The following MORC2 variants were observed in gnomAD, a reference collection of about 807,000 sequenced individuals.
MORC2 encodes ATPase MORC2.
In MORC2, 30 loss-of-function variants were observed where a neutral mutation model predicts 136.0. The ratio of observed to expected loss-of-function variants is 0.22; its 90% confidence interval spans 0.17 to 0.30. MORC2 has a LOEUF of 0.30. Among genes scored for constraint, MORC2 ranks in the 10% least tolerant of loss-of-function variants. MORC2 has a pLI of 1.00. For missense variants in MORC2, 922 were observed against 1,333.1 expected (o/e 0.69, Z 4.80); for synonymous variants, 439 against 487.0 (o/e 0.90, Z 1.30).
At chr22:30,940,881 G>A (rs774079071) in intron 9 of MORC2, 44 bp from the exon 10 acceptor site, 10 of 1,535,516 alleles carry the variant, frequency 6.5e-6, no homozygotes, top group Non-Finnish European at 8.1e-6. Flanking sequence ...GCAGCAGTGG[G>A]GCAGGTGGCA....
chr22:30,939,725 G>A lies in MORC2; in HGVS notation c.988-19C>T, dbSNP rs1464202228. 1 of 1,610,914 alleles carries A rather than the reference G, an allele frequency of 6.2e-7. No homozygotes were observed. The highest frequency in any genetic ancestry group is 8.5e-7 in the Non-Finnish European group (1 of 1,178,086). ...ACATCACCTGCACACATTGACATCA[G>A]GTGAGGGGAGGTGGCACTCTAGGCC... On this transcript the variant is annotated intron_variant, in intron 11 of 25. Coordinates refer to ENST00000397641, the MANE Select transcript of MORC2 (RefSeq NM_001303256.3).
chr22:30,966,333 G>A (rs1322962858), intron 1 of MORC2, among the ~76,000 whole-genome samples: 1 of 152,146 alleles, frequency 6.6e-6, no homozygotes, highest in East Asian at 1.9e-4. Context: ...TCAACTGCTT[G>A]TTCTTAATAT....
At chr22:30,928,431 GAA>G (rs1378341873) in intron 24 of MORC2, among the ~76,000 whole-genome samples, 2 of 152,192 alleles carry the variant, frequency 1.3e-5, no homozygotes, top group Non-Finnish European at 2.9e-5. Flanking sequence ...GCACACAGGT[GAA>G]GCACTCAGCA....
chr22:30,961,893 G>A lies in MORC2; in HGVS notation c.69-3199C>T, dbSNP rs2041051599. 1.3e-5 allele frequency among the ~76,000 whole-genome samples: 2 copies of A among 152,076 alleles called. 1 individual carries two copies. Among genetic ancestry groups the A allele is most frequent in the South Asian group, 4.1e-4 (2 of 4,822 alleles). ...TCCAAAGGGCAAGCACAAAGCACCT[G>A]CCACACAGTGCTTAGAAATGTGCCT... On this transcript the variant is annotated intron_variant, in intron 1 of 25. Transcript: ENST00000397641.
rs767199424 is a variant in MORC2 at position 30,942,263 on chromosome 22, G to C, written c.435C>G (p.Val145=). ...TCCGAGCATTCCAGGTGGGCAGTGGGACTATCACCTGTGGAGTAAACATGA... is the reference window on the plus strand; with the variant it reads ...TCCGAGCATTCCAGGTGGGCAGTGGCACTATCACCTGTGGAGTAAACATGA... ...HEEEGIDEVI[V]PLPTWNARTR... is the part of the protein sequence containing the mutation. Residue 145 remains valine (V), a synonymous_variant, in exon 7 of 26, where the codon GTC becomes GTG. Coordinates refer to ENST00000397641, the MANE Select transcript of MORC2 (RefSeq NM_001303256.3). The C allele has an allele frequency of 6.2e-7, 1 of 1,610,488 alleles. No individual in the cohort carries two copies. The highest frequency in any genetic ancestry group is 8.5e-7 in the Non-Finnish European group (1 of 1,179,752).
At chr22:30,956,169 G>A (rs981456921) in intron 3 of MORC2, among the ~76,000 whole-genome samples, 1 of 152,096 alleles carries the variant, frequency 6.6e-6, no homozygotes, top group South Asian at 2.1e-4. Context: ...ACTCACTCTA[G>A]GAAAAGGAGA....
chr22:30,957,586 C>T (rs1271038608), intron 2 of MORC2, among the ~76,000 whole-genome samples: 1 of 152,188 alleles, frequency 6.6e-6, no homozygotes, highest in South Asian at 2.1e-4. Context: ...GGAATACATA[C>T]TCCTAAGAAT....
At chr22:30,928,261 G>A (rs1192115834) in intron 24 of MORC2, 54 bp from the exon 25 acceptor site, 1 of 1,577,402 alleles carries the variant, frequency 6.3e-7, no homozygotes, top group Middle Eastern at 1.7e-4. Context: ...GGTCCCCAGG[G>A]CCCTTCTAGG....
rs1202372805 is a variant in MORC2, at chr22:30,955,190, T to C, written c.157+1573A>G. ...TCAGGCTGGTCTCAAACACCCGACCTAAGGTGGTCCGCCTGCCTCGGCTTC... is the reference window on the plus strand; with the variant it reads ...TCAGGCTGGTCTCAAACACCCGACCCAAGGTGGTCCGCCTGCCTCGGCTTC... On this transcript the variant is annotated intron_variant, in intron 3 of 25. Coordinates refer to ENST00000397641, the MANE Select transcript of MORC2 (RefSeq NM_001303256.3). 2.0e-5 allele frequency among the ~76,000 whole-genome samples: 3 copies of C among 152,144 alleles called. No homozygotes were observed. The East Asian group carries it at 5.8e-4, about 29-fold the overall frequency.
intron 5 of MORC2, among the ~76,000 whole-genome samples, chr22:30,946,682 C>T (rs1159193113): frequency 6.6e-6 from 1 of 151,882 alleles, no homozygotes; most frequent in Non-Finnish European, 1.5e-5. Context: ...TTACTTACAA[C>T]GTTCTCAACC....
intron 1 of MORC2, among the ~76,000 whole-genome samples, chr22:30,961,468 T>A (rs1435608725): frequency 6.6e-6 from 1 of 152,200 alleles, no homozygotes; most frequent in East Asian, 1.9e-4. Flanking sequence ...ACTTACAAAG[T>A]GAATTCATTT....
At chr22:30,930,670 C>T (rs771092491) in intron 24 of MORC2, among the ~76,000 whole-genome samples, 8 of 152,322 alleles carry the variant, frequency 5.3e-5, no homozygotes, top group East Asian at 1.9e-4. Flanking sequence ...AACTGCCCCA[C>T]GAGGACCCGA....
chr22:30,938,425 G>T (rs1241605928), intron 12 of MORC2, among the ~76,000 whole-genome samples: 1 of 152,162 alleles, frequency 6.6e-6, no homozygotes, highest in Non-Finnish European at 1.5e-5. Flanking sequence ...TGGCAACAGG[G>T]ATGGTTGCCA....
chr22:30,964,364 A>C (rs1035466702), intron 1 of MORC2, among the ~76,000 whole-genome samples: 1 of 152,114 alleles, frequency 6.6e-6, no homozygotes, highest in Non-Finnish European at 1.5e-5. Flanking sequence ...CCAAAAAAAA[A>C]CCAAAAACAA....
At chr22:30,957,644 A>T (rs1369329790) in intron 2 of MORC2, among the ~76,000 whole-genome samples, 1 of 152,244 alleles carries the variant, frequency 6.6e-6, no homozygotes, top group African/African-American at 2.4e-5. Context: ...GCCACCGCAC[A>T]TCATGGTCTC....
intron 1 of MORC2, 146 bp from the exon 2 acceptor site, chr22:30,958,840 C>A: frequency 1.6e-6 from 1 of 620,560 alleles, no homozygotes; most frequent in South Asian, 2.0e-5. Context: ...CAAGGCTTTC[C>A]AGAGCTCCCC....
chr22:30,968,128 T>C lies in MORC2; in HGVS notation c.-239A>G, dbSNP rs1261876413. The C allele has an allele frequency of 6.0e-6, 3 of 497,090 alleles. No individual in the cohort carries two copies. The highest frequency in any genetic ancestry group is 2.3e-5 in the South Asian group (1 of 43,000). The allele number at this position is 497,090 out of a possible 1,614,324, so 30.8% of individuals were successfully genotyped here. On this transcript the variant is annotated 5_prime_UTR_variant, in exon 1 of 26. Coordinates refer to ENST00000397641, the MANE Select transcript of MORC2 (RefSeq NM_001303256.3). Reference sequence around the variant, plus strand: ...TGATGTAATATTTTGGAAGGAACTATGTCATAAATCTGTAGCTTTAAGGAG... The same window carrying C: ...TGATGTAATATTTTGGAAGGAACTACGTCATAAATCTGTAGCTTTAAGGAG...
intron 1 of MORC2, chr22:30,963,188 G>C (rs954431388): frequency 4.6e-5 from 16 of 346,086 alleles, no homozygotes; most frequent in Non-Finnish European, 6.5e-5. Flanking sequence ...ATGTTAACCA[G>C]GATGGTCTCA....
At chr22:30,928,366 G>A (rs959358112) in intron 24 of MORC2, 159 bp from the exon 25 acceptor site, 2 of 670,032 alleles carry the variant, frequency 3.0e-6, no homozygotes, top group Non-Finnish European at 5.2e-6. Context: ...TACGTCCAGA[G>A]TAGAGAGACA....
Sources: allele counts gnomAD v4.1 joint callset (sites outside exome capture counted in the v4.1 genomes callset), GRCh38; gene constraint gnomAD v4.1.1; transcripts MANE v1.5; gene names NCBI Gene and HGNC (gene_info 2026-07-23, HGNC 2026-07-21).